TMA16: variants seen among roughly 807,000 people sequenced by gnomAD.
The protein encoded by TMA16 is translation machinery-associated protein 16.
In TMA16, 26 loss-of-function variants were observed where a neutral mutation model predicts 27.1. The observed-to-expected ratio is 0.96, with a 90% CI of 0.70 to 1.33. The LOEUF is 1.33. TMA16 is among the 40% of genes most tolerant of loss of function. TMA16 has a pLI of 0.00. For synonymous variants in TMA16, 71 were observed against 81.9 expected (o/e 0.87, Z 0.72); for missense variants, 233 against 241.4 (o/e 0.97, Z 0.23).
Position 163,519,391 on chromosome 4 carries a change from T to G in TMA16, c.489T>G (p.Ala163=), listed in dbSNP as rs374427533. The change falls in exon 7 of 7, where the codon GCT becomes GCG. Residue 163 remains alanine (A), a synonymous_variant. Transcript: ENST00000358572. The part of the protein sequence containing the change: ...LPNIKMRKIC[A]NDAIPKTCKR... The stretch of plus-strand genomic sequence containing the variant: ...ACATTAAAATGAGAAAAATTTGCGC[T>G]AATGATGCAATTCCCAAGACGTGCA... 5 of 1,607,072 alleles carry G rather than the reference T, an allele frequency of 3.1e-6. No individual in the cohort carries two copies. The highest frequency in any genetic ancestry group is 4.2e-6 in the Non-Finnish European group (5 of 1,177,470).
At chr4:163,517,403 C>A in intron 5 of TMA16, 31 bp from the exon 6 acceptor site, 1 of 1,583,330 alleles carries the variant, frequency 6.3e-7, no homozygotes, top group Non-Finnish European at 8.7e-7. Flanking sequence ...GAAAACATTG[C>A]CTCATGGAGA....
rs115409207 is a variant in TMA16, at chr4:163,519,623, T to G, written c.*109T>G. ...AAAATTTGATACTGACATTCTCTTA[T>G]ATGATGAGAGTTTCATTTGCGTTTC... On this transcript the variant is annotated 3_prime_UTR_variant, in exon 7 of 7. Coordinates refer to ENST00000358572, the MANE Select transcript of TMA16 (RefSeq NM_018352.3). 2.8e-6 allele frequency: 3 copies of G among 1,064,798 alleles called. No individual in the cohort carries two copies. Among genetic ancestry groups the G allele is most frequent in the Non-Finnish European group, 2.6e-6 (2 of 760,560 alleles). 66.0% of individuals were successfully genotyped at this position (1,064,798 alleles called of 1,614,324 possible).
At chr4:163,505,170 G>T (rs1226649017) in intron 1 of TMA16, among the ~76,000 whole-genome samples, 2 of 152,188 alleles carry the variant, frequency 1.3e-5, no homozygotes, top group Non-Finnish European at 2.9e-5. Flanking sequence ...CTTAGAGGCA[G>T]CCTGCCAAAT....
chr4:163,506,817 C>G (rs1471265888), intron 1 of TMA16, among the ~76,000 whole-genome samples: 1 of 152,132 alleles, frequency 6.6e-6, no homozygotes, highest in Non-Finnish European at 1.5e-5. Context: ...CATTGGAGAG[C>G]ACCTCTGAAT....
At chr4:163,496,322 A>T (rs1737552329) in intron 1 of TMA16, among the ~76,000 whole-genome samples, 1 of 152,218 alleles carries the variant, frequency 6.6e-6, no homozygotes, top group Non-Finnish European at 1.5e-5. Flanking sequence ...TGTGGAAATT[A>T]AATGTAAAGT....
chr4:163,509,759 C>T (rs968926765), intron 2 of TMA16, among the ~76,000 whole-genome samples: 5 of 152,160 alleles, frequency 3.3e-5, no homozygotes, highest in East Asian at 1.9e-4. Flanking sequence ...AGCACATTCC[C>T]GACAATGAAC....
At chr4:163,510,150 G>A (rs1234216243) in intron 2 of TMA16, among the ~76,000 whole-genome samples, 1 of 152,090 alleles carries the variant, frequency 6.6e-6, no homozygotes, top group African/African-American at 2.4e-5. Context: ...CTTCCCTCCA[G>A]CCTTATTTAA....
At chr4:163,510,577 T>C (rs1165504341) in intron 2 of TMA16, among the ~76,000 whole-genome samples, 2 of 152,212 alleles carry the variant, frequency 1.3e-5, no homozygotes, top group African/African-American at 4.8e-5. Context: ...TTTCCTTTTA[T>C]TGGGAGTATT....
intron 6 of TMA16, 77 bp downstream of exon 6, chr4:163,517,553 T>TAAA: frequency 7.6e-7 from 1 of 1,310,500 alleles, no homozygotes; most frequent in South Asian, 1.3e-5. Flanking sequence ...CCTTTGAGTC[T>TAAA]AGCCGGTAGA....
At chr4:163,519,306 ACT>A in intron 6 of TMA16, 26 bp from the exon 7 acceptor site, 5 of 1,514,972 alleles carry the variant, frequency 3.3e-6, no homozygotes, top group Non-Finnish European at 4.4e-6. Context: ...AACACTCTGC[ACT>A]CTTTTTTTTT....
chr4:163,514,139 G>A lies in TMA16; in HGVS notation c.220G>A (p.Ala74Thr). 6.2e-7 allele frequency: 1 copy of A among 1,607,398 alleles called. No individual in the cohort carries two copies. ...AAAAAAGAGATATTCAAAGAAAGAT[G>A]CTTGTGAACTAATTGAAAGGTAAAC... is the stretch of plus-strand genomic sequence containing the variant. ...PQKKRYSKKD[A>T]CELIERYLNR... The change falls in exon 4 of 7, where the codon GCT (alanine) becomes ACT (threonine). Residue 74 changes from alanine (A) to threonine (T), a missense_variant. Ala to Thr is a moderately conservative substitution (Grantham distance 58). Transcript: ENST00000358572.
intron 5 of TMA16, among the ~76,000 whole-genome samples, chr4:163,516,433 T>A (rs1382624308): frequency 1.3e-5 from 2 of 152,280 alleles, no homozygotes; most frequent in Non-Finnish European, 2.9e-5. Context: ...TTATTTATAC[T>A]TTTTAACACC....
Position 163,519,509 on chromosome 4 carries a change from G to A in TMA16, c.607G>A (p.Ala203Thr), listed in dbSNP as rs1441380414. The A allele has an allele frequency of 7.6e-6, 12 of 1,571,598 alleles. No homozygotes were observed. The highest frequency in any genetic ancestry group is 9.4e-6 in the Non-Finnish European group (11 of 1,166,270). ...TTCAGATGAGGAAATGACTGCAGTG[G>A]CCTAATTGTCTTCACTTGAATTGAA... Reference protein sequence around the residue: ...SDSDEEMTAVA With the variant: ...SDSDEEMTAVT Residue 203 changes from alanine (A) to threonine (T), a missense_variant, in exon 7 of 7, where the codon GCC becomes ACC. By Grantham distance (58) the Ala-to-Thr change is moderately conservative (BLOSUM62 0). Transcript: ENST00000358572.
chr4:163,496,804 G>A (rs1579012501), intron 1 of TMA16, among the ~76,000 whole-genome samples: 1 of 123,958 alleles, frequency 8.1e-6, no homozygotes, highest in Non-Finnish European at 1.8e-5. Flanking sequence ...CACCACATTG[G>A]CCAGGCTGGT....
chr4:163,509,515 A>G (rs1358444279), intron 2 of TMA16, among the ~76,000 whole-genome samples: 1 of 152,190 alleles, frequency 6.6e-6, no homozygotes, highest in Non-Finnish European at 1.5e-5. Flanking sequence ...CTGACCCAGC[A>G]TCTTTCACAA....
chr4:163,513,190 C>G (rs1254569812), intron 3 of TMA16, among the ~76,000 whole-genome samples: 1 of 152,166 alleles, frequency 6.6e-6, no homozygotes, highest in African/African-American at 2.4e-5. Context: ...TAGGTAGAAA[C>G]CACAATTCAT....
At chr4:163,515,771 A>G (rs1336609862) in intron 5 of TMA16, 5 of 200,898 alleles carry the variant, frequency 2.5e-5, no homozygotes, top group African/African-American at 9.4e-5. Context: ...AGTATCACAT[A>G]TGGATTTCTC....
In TMA16 at chr4:163,516,764, AAG is replaced by A. The variant is rs956247320; in HGVS notation, c.389-669_389-668del. On this transcript the variant is annotated intron_variant, in intron 5 of 6. Coordinates refer to ENST00000358572, the MANE Select transcript of TMA16 (RefSeq NM_018352.3). The stretch of plus-strand genomic sequence containing the variant: ...GCAAAATTTTTTTTTTAATTTAAAA[AAG>A]TCTTTTTTTCACATTTGGAAAAATG... Among the ~76,000 whole-genome samples, 116 of 152,276 alleles carry A rather than the reference AAG, an allele frequency of 7.6e-4. 1 individual carries two copies. Among genetic ancestry groups the A allele is most frequent in the African/African-American group, 2.7e-3 (113 of 41,572 alleles).
chr4:163,508,692 T>A (rs1737750596), intron 2 of TMA16, among the ~76,000 whole-genome samples: 1 of 152,202 alleles, frequency 6.6e-6, no homozygotes, highest in South Asian at 2.1e-4. Context: ...TATGAACTGC[T>A]TACCTTACAT....
Sources: allele counts gnomAD v4.1 joint callset (sites outside exome capture counted in the v4.1 genomes callset), GRCh38; gene constraint gnomAD v4.1.1; transcripts MANE v1.5; gene names NCBI Gene and HGNC (gene_info 2026-07-23, HGNC 2026-07-21).